The following GGTA1 variants were observed in gnomAD, a reference collection of about 807,000 sequenced individuals.
The protein encoded by GGTA1 is inactive N-acetyllactosaminide alpha-1,3-galactosyltransferase.
In GGTA1, 5 loss-of-function variants were observed where a neutral mutation model predicts 2.6. That is an observed-to-expected ratio of 1.92 (90% CI 1.00 to 4.04). GGTA1 has a LOEUF of 4.04. GGTA1 is among the 30% of genes most tolerant of loss of function. The pLI, the probability that GGTA1 is intolerant of heterozygous loss-of-function variation, is 0.00. For synonymous variants in GGTA1, 17 were observed against 5.0 expected (o/e 3.38, Z -3.19); for missense variants, 50 against 16.7 (o/e 2.99, Z -3.47).
rs534814145 is a variant in GGTA1, at chr9:121,449,385, A to C, written c.*119-1788T>G. Among the ~76,000 whole-genome samples the C allele has an allele frequency of 1.4e-4, 21 of 152,316 alleles. 1 individual carries two copies. Among genetic ancestry groups the C allele is most frequent in the Admixed American group, 6.5e-4 (10 of 15,302 alleles). ...AAGAAACTGCCAAATTGTCTTCCAA[A>C]GTGGCTGTACCATTTTGCATTCCTA... On this transcript the variant is annotated intron_variant and NMD_transcript_variant, in intron 7 of 7. Transcript: ENST00000481534.
intron 7 of GGTA1, among the ~76,000 whole-genome samples, chr9:121,449,447 T>C (rs751755604): frequency 6.6e-5 from 10 of 152,228 alleles, no homozygotes; most frequent in Non-Finnish European, 1.3e-4. Flanking sequence ...CTCCACATCC[T>C]TGTCAGCATT....
intron 1 of GGTA1, among the ~76,000 whole-genome samples, chr9:121,477,009 A>G (rs1828523399): frequency 6.6e-6 from 1 of 152,150 alleles, no homozygotes; most frequent in Admixed American, 6.5e-5. Context: ...TTTGGCCTCA[A>G]GAAGAAGGAG....
At chr9:121,499,080 A>G (rs901657805) in intron 1 of GGTA1, among the ~76,000 whole-genome samples, 8 of 151,500 alleles carry the variant, frequency 5.3e-5, no homozygotes, top group Non-Finnish European at 1.2e-4. Flanking sequence ...AGTGTCGGAA[A>G]CTTTCCCCAT....
At position 121,449,788 on chromosome 9, in the gene GGTA1, T is replaced by C. The variant is rs940354390; in HGVS notation, c.*119-2191A>G. On this transcript the variant is annotated intron_variant and NMD_transcript_variant, in intron 7 of 7. Transcript: ENST00000481534. ...CTGGGAGGCAGAAGTTGCAGTGAGC[T>C]GAGATGGTGCCACTGCACTCCAGCC... is the stretch of plus-strand genomic sequence containing the variant. Among the ~76,000 whole-genome samples, 30 of 131,806 alleles carry C rather than the reference T, an allele frequency of 2.3e-4. 1 individual carries two copies. The highest frequency in any genetic ancestry group is 7.0e-4 in the African/African-American group (24 of 34,210). 86.5% of individuals were successfully genotyped at this position (131,806 alleles called of 152,430 possible).
intron 1 of GGTA1, among the ~76,000 whole-genome samples, chr9:121,484,167 A>G (rs1326194644): frequency 1.3e-5 from 2 of 152,194 alleles, no homozygotes; most frequent in African/African-American, 2.4e-5. Context: ...CATGTAACAA[A>G]ACTGCATTTG....
At chr9:121,469,150 T>C (rs1193987546) in intron 1 of GGTA1, among the ~76,000 whole-genome samples, 3 of 152,036 alleles carry the variant, frequency 2.0e-5, no homozygotes, top group South Asian at 2.1e-4. Context: ...GTGTGAAGAA[T>C]AACAGGCCAG....
At chr9:121,495,148 G>A (rs1251478018) in intron 1 of GGTA1, among the ~76,000 whole-genome samples, 2 of 151,282 alleles carry the variant, frequency 1.3e-5, no homozygotes, top group Admixed American at 6.6e-5. Flanking sequence ...TCGAACTCCC[G>A]ACCTCAGGTG....
chr9:121,496,731 C>CA (rs772847384), intron 1 of GGTA1, among the ~76,000 whole-genome samples: 20,619 of 31,178 alleles, frequency 0.66, 8,842 homozygotes, highest in Middle Eastern at 0.92. Context: ...GGCTCCATCT[C>CA]AAAAAAAAAA....
chr9:121,488,667 AG>A (rs1025687169), intron 1 of GGTA1, among the ~76,000 whole-genome samples: 6 of 152,148 alleles, frequency 3.9e-5, no homozygotes, highest in Admixed American at 2.0e-4. Context: ...CAGTGAGCCA[AG>A]GTCTCTCCAT....
intron 2 of GGTA1, 141 bp from the exon 3 acceptor site, chr9:121,463,469 A>G (rs1160805181): frequency 2.8e-6 from 1 of 362,826 alleles, no homozygotes; most frequent in Non-Finnish European, 5.3e-6. Context: ...TTCCTTTGAG[A>G]CATAACCAAT....
chr9:121,480,686 G>A (rs1828624807), intron 1 of GGTA1, among the ~76,000 whole-genome samples: 1 of 152,168 alleles, frequency 6.6e-6, no homozygotes, highest in Admixed American at 6.5e-5. Context: ...AAGGGGATGA[G>A]TTATTTGGCC....
At chr9:121,466,968 A>G (rs1357226153) in intron 2 of GGTA1, among the ~76,000 whole-genome samples, 1 of 151,998 alleles carries the variant, frequency 6.6e-6, no homozygotes, top group Non-Finnish European at 1.5e-5. Context: ...AAAAAAAAAA[A>G]AAAGAATCAA....
chr9:121,465,243 A>G (rs965452482), intron 2 of GGTA1, among the ~76,000 whole-genome samples: 1 of 152,228 alleles, frequency 6.6e-6, no homozygotes, highest in African/African-American at 2.4e-5. Context: ...CTACAATTCC[A>G]AACACCAAAG....
intron 1 of GGTA1, among the ~76,000 whole-genome samples, chr9:121,487,217 T>C (rs553426313): frequency 7.2e-5 from 11 of 152,214 alleles, no homozygotes; most frequent in South Asian, 2.1e-4. Flanking sequence ...AGCAGTGAGA[T>C]GCAGGAGAAG....
At chr9:121,498,168 C>T (rs985903699) in intron 1 of GGTA1, among the ~76,000 whole-genome samples, 9 of 152,248 alleles carry the variant, frequency 5.9e-5, no homozygotes, top group African/African-American at 1.9e-4. Flanking sequence ...GGCCAGAGCC[C>T]TGTCCTCTAG....
At chr9:121,465,614 C>T (rs2065000035) in intron 2 of GGTA1, among the ~76,000 whole-genome samples, 1 of 124,486 alleles carries the variant, frequency 8.0e-6, no homozygotes, top group African/African-American at 2.7e-5. Flanking sequence ...AGCTTACTTG[C>T]TCTCCATCAC....
At chr9:121,479,545 A>T (rs1828588985) in intron 1 of GGTA1, among the ~76,000 whole-genome samples, 1 of 152,166 alleles carries the variant, frequency 6.6e-6, no homozygotes, top group African/African-American at 2.4e-5. Flanking sequence ...AACTGGGCCT[A>T]GTATGGGAGG....
intron 1 of GGTA1, among the ~76,000 whole-genome samples, chr9:121,497,024 C>T (rs1044038272): frequency 6.6e-6 from 1 of 151,934 alleles, no homozygotes; most frequent in Admixed American, 6.6e-5. Context: ...GAAACCCTGT[C>T]TCTACTAAAA....
At chr9:121,485,067 T>A (rs1257169597) in intron 1 of GGTA1, among the ~76,000 whole-genome samples, 2 of 152,116 alleles carry the variant, frequency 1.3e-5, no homozygotes, top group Non-Finnish European at 2.9e-5. Context: ...AATAGTCCGG[T>A]GTAGAATGGA....
Sources: allele counts gnomAD v4.1 joint callset (sites outside exome capture counted in the v4.1 genomes callset), GRCh38; gene constraint gnomAD v4.1.1; transcripts MANE v1.5; gene names NCBI Gene and HGNC (gene_info 2026-07-23, HGNC 2026-07-21).